EPS8: variants seen among roughly 807,000 people sequenced by gnomAD.
EPS8 encodes the protein EGFR pathway substrate 8, signaling adaptor, also known as epidermal growth factor receptor kinase substrate 8.
Under a neutral mutation model 103.8 loss-of-function variants are expected in EPS8, and 42 were observed. The observed-to-expected ratio is 0.40, with a 90% CI of 0.32 to 0.52. The LOEUF (loss-of-function observed/expected upper bound fraction) is 0.52. Ranked by LOEUF, EPS8 falls within the 20% of genes least tolerant of loss-of-function variation. The pLI is 0.40. For missense variants in EPS8, 969 were observed against 1,005.1 expected (o/e 0.96, Z 0.49); for synonymous variants, 344 against 344.6 (o/e 1.00, Z 0.02).
rs191775602 is a variant in EPS8, at chr12:15,772,283, A to T, written c.-22+16878T>A. On this transcript the variant is annotated intron_variant, in intron 1 of 20. Coordinates refer to ENST00000281172, the MANE Select transcript of EPS8 (RefSeq NM_004447.6). This position sits in a 1 kb window ranked among gnomAD's most constrained non-coding sequence, Gnocchi z 5.0. ...ATGAGGGGGCCAGAGTAAAAGCAAG[A>T]AATTAATTTTGGGAAATGTGAAGTC... Among the ~76,000 whole-genome samples the T allele has an allele frequency of 1.3e-5, 2 of 152,242 alleles. No homozygotes were observed. Among genetic ancestry groups the T allele is most frequent in the Non-Finnish European group, 2.9e-5 (2 of 68,028 alleles).
At chr12:15,632,432 T>C (rs184495116) in intron 17 of EPS8, among the ~76,000 whole-genome samples, 94 of 152,324 alleles carry the variant, frequency 6.2e-4, no homozygotes, top group African/African-American at 2.1e-3. Flanking sequence ...AAAACACACA[T>C]AATAGTTAAC....
At chr12:15,723,813 C>T (rs1946624396) in intron 1 of EPS8, among the ~76,000 whole-genome samples, 2 of 152,062 alleles carry the variant, frequency 1.3e-5, no homozygotes, top group Admixed American at 6.6e-5. Context: ...TAAGTAAAGT[C>T]ATTTTATACT....
chr12:15,652,802 G>T (rs948840976), intron 13 of EPS8, among the ~76,000 whole-genome samples: 1 of 152,010 alleles, frequency 6.6e-6, no homozygotes, highest in Non-Finnish European at 1.5e-5. Flanking sequence ...GAAAATAAGT[G>T]GAAAAGTTTG....
At position 15,761,857 on chromosome 12, in the gene EPS8, T is replaced by C. The variant is rs535149295; in HGVS notation, c.-22+27304A>G. Among the ~76,000 whole-genome samples the C allele has an allele frequency of 6.6e-6, 1 of 152,186 alleles. No individual in the cohort carries two copies. The highest frequency in any genetic ancestry group is 2.1e-4 in the South Asian group (1 of 4,820). On this transcript the variant is annotated intron_variant, in intron 1 of 20. Transcript: ENST00000281172. This position sits in a 1 kb window ranked among gnomAD's most constrained non-coding sequence, Gnocchi z 4.5. ...CTACAAGAAAACATTGGGGAAACTCTCCAGGACACTGAACTAGGTGAAAAT... is the reference window on the plus strand; with the variant it reads ...CTACAAGAAAACATTGGGGAAACTCCCCAGGACACTGAACTAGGTGAAAAT...
Position 15,688,720 on chromosome 12 carries a change from T to A in EPS8, c.-21-5748A>T, listed in dbSNP as rs1157153382. Among the ~76,000 whole-genome samples, 1 of 152,094 alleles carries A rather than the reference T, an allele frequency of 6.6e-6. No homozygotes were observed. ...TCTGCTGAGAGCTACCTCCACTCAA[T>A]AAAACCCTGCACTCATTCTCTAAGC... On this transcript the variant is annotated intron_variant, in intron 1 of 20. Transcript: ENST00000281172. The surrounding 1 kb of genome is among the most constrained non-coding windows in gnomAD (Gnocchi z 5.1).
intron 10 of EPS8, among the ~76,000 whole-genome samples, chr12:15,659,561 A>G (rs1372077346): frequency 3.9e-5 from 6 of 152,300 alleles, no homozygotes; most frequent in Admixed American, 2.0e-4. Context: ...AGGAAGCAAT[A>G]GTACTTAATT....
At position 15,777,109 on chromosome 12, in the gene EPS8, T is replaced by A. The variant is rs1947214286; in HGVS notation, c.-22+12052A>T. On this transcript the variant is annotated intron_variant, in intron 1 of 20. Transcript: ENST00000281172. This position sits in a 1 kb window ranked among gnomAD's most constrained non-coding sequence, Gnocchi z 4.7. The stretch of plus-strand genomic sequence containing the variant: ...AACAGATATAGATGGAGGAAGGACA[T>A]TGGAGGTAAGATGAAGTCACTTTTA... Among the ~76,000 whole-genome samples, 2 of 152,064 alleles carry A rather than the reference T, an allele frequency of 1.3e-5. No homozygotes were observed. The highest frequency in any genetic ancestry group is 1.3e-4 in the Admixed American group (2 of 15,262).
At chr12:15,765,412 G>A (rs965589632) in intron 1 of EPS8, among the ~76,000 whole-genome samples, 9 of 152,004 alleles carry the variant, frequency 5.9e-5, no homozygotes, top group African/African-American at 1.9e-4. Context: ...AGATCTTACA[G>A]CAATCAGATG....
chr12:15,782,669 A>C (rs1344713123), intron 1 of EPS8, among the ~76,000 whole-genome samples: 1 of 152,150 alleles, frequency 6.6e-6, no homozygotes, highest in Non-Finnish European at 1.5e-5. Context: ...TATTAGAAAA[A>C]ATTAAAATTT....
At chr12:15,645,846 A>G (rs371749792) in intron 15 of EPS8, among the ~76,000 whole-genome samples, 14 of 152,214 alleles carry the variant, frequency 9.2e-5, no homozygotes, top group African/African-American at 3.4e-4. Flanking sequence ...AAAGTTTTCT[A>G]GTGTCAATAT....
rs1164568242 is a variant in EPS8, at chr12:15,771,414, T to C, written c.-22+17747A>G. On this transcript the variant is annotated intron_variant, in intron 1 of 20. Transcript: ENST00000281172. This position sits in a 1 kb window ranked among gnomAD's most constrained non-coding sequence, Gnocchi z 4.6. ...GACTGACATCATCTGAACTCAGCTTTAGCAAGACTGATCTGAAAGTAGTAA... is the reference window on the plus strand; with the variant it reads ...GACTGACATCATCTGAACTCAGCTTCAGCAAGACTGATCTGAAAGTAGTAA... Among the ~76,000 whole-genome samples, 3 of 152,184 alleles carry C rather than the reference T, an allele frequency of 2.0e-5. No homozygotes were observed. The East Asian group carries it at 5.8e-4, about 29-fold the overall frequency.
At chr12:15,644,355 G>C (rs1308583189) in intron 15 of EPS8, among the ~76,000 whole-genome samples, 2 of 152,122 alleles carry the variant, frequency 1.3e-5, no homozygotes, top group African/African-American at 2.4e-5. Flanking sequence ...GTGATTCTGG[G>C]GGCTGCCCAA....
chr12:15,637,220 C>T (rs1322802589), intron 17 of EPS8, among the ~76,000 whole-genome samples: 5 of 152,190 alleles, frequency 3.3e-5, no homozygotes, highest in Non-Finnish European at 1.5e-5. Context: ...AGGGTTTTGC[C>T]ATGTTGGCCA....
chr12:15,711,033 CTTATTTATTTATTTATTTATTTAT>C (rs143155444), intron 1 of EPS8, among the ~76,000 whole-genome samples: 4 of 136,506 alleles, frequency 2.9e-5, no homozygotes, highest in East Asian at 2.2e-4. Flanking sequence ...CCATGCCAGG[CTTATTTATTTATTTATTTATTTAT>C]TTATTTATTT....
intron 8 of EPS8, among the ~76,000 whole-genome samples, chr12:15,663,920 CAAAA>C (rs10590703): frequency 5.8e-3 from 52 of 9,034 alleles, no homozygotes; most frequent in East Asian, 7.1e-3. Flanking sequence ...CACTCCATCT[CAAAA>C]AAAAAAAAAA....
chr12:15,660,240 G>A (rs1331478332), intron 10 of EPS8, among the ~76,000 whole-genome samples: 1 of 150,856 alleles, frequency 6.6e-6, no homozygotes, highest in East Asian at 2.0e-4. Context: ...TTGCTAAGTA[G>A]TTCTTGAGGG....
intron 8 of EPS8, chr12:15,665,547 T>C (rs1945692023): frequency 1.9e-6 from 1 of 538,278 alleles, no homozygotes; most frequent in Non-Finnish European, 3.3e-6. Context: ...GTCATGCTGG[T>C]CTCAAACTCC....
chr12:15,694,606 T>C (rs1156756748), intron 1 of EPS8, among the ~76,000 whole-genome samples: 1 of 152,206 alleles, frequency 6.6e-6, no homozygotes, highest in Non-Finnish European at 1.5e-5. Context: ...CCCATTTAAA[T>C]TGATACAGCT....
rs1946321698 is a variant in EPS8, at chr12:15,702,344, T to C, written c.-21-19372A>G. Among the ~76,000 whole-genome samples the C allele has an allele frequency of 6.6e-6, 1 of 152,222 alleles. No individual in the cohort carries two copies. The highest frequency in any genetic ancestry group is 1.5e-5 in the Non-Finnish European group (1 of 68,036). ...ACACAGGCGACAAGGTGAATAAAAT[T>C]CTAGCACTGGAAATTAATTCATTCT... is the stretch of plus-strand genomic sequence containing the variant. On this transcript the variant is annotated intron_variant, in intron 1 of 20. Transcript: ENST00000281172. The surrounding 1 kb of genome is among the most constrained non-coding windows in gnomAD (Gnocchi z 5.1).
Sources: allele counts gnomAD v4.1 joint callset (sites outside exome capture counted in the v4.1 genomes callset), GRCh38; gene constraint gnomAD v4.1.1; non-coding constraint Gnocchi (gnomAD v3.1); transcripts MANE v1.5; gene names NCBI Gene and HGNC (gene_info 2026-07-23, HGNC 2026-07-21).